Variants in PDCD6 observed in about 807,000 individuals in gnomAD.
PDCD6 encodes the protein programmed cell death 6, also known as programmed cell death protein 6.
In PDCD6, 12 loss-of-function variants were observed where a neutral mutation model predicts 28.3. The observed-to-expected ratio is 0.42, with a 90% CI of 0.27 to 0.69. The LOEUF is 0.69. Ranked by LOEUF, PDCD6 falls within the 30% of genes least tolerant of loss-of-function variation. The pLI is 0.22. For missense variants in PDCD6, 226 were observed against 269.9 expected (o/e 0.84, Z 1.14); for synonymous variants, 92 against 108.0 (o/e 0.85, Z 0.92).
intron 2 of PDCD6, among the ~76,000 whole-genome samples, chr5:299,538 C>A (rs531217007): frequency 1.4e-5 from 2 of 142,886 alleles, no homozygotes; most frequent in African/African-American, 5.9e-5. Context: ...ATAATTCTTA[C>A]GTTCTTTTGA....
At chr5:303,635 G>A (rs1054752593) in intron 2 of PDCD6, among the ~76,000 whole-genome samples, 10 of 151,766 alleles carry the variant, frequency 6.6e-5, no homozygotes, top group African/African-American at 1.7e-4. Flanking sequence ...TGTCTTCACC[G>A]TGCTTTAGGA....
At chr5:293,374 A>C (rs462733) in intron 2 of PDCD6, among the ~76,000 whole-genome samples, 18 of 62,580 alleles carry the variant, frequency 2.9e-4, no homozygotes, top group Middle Eastern at 6.6e-3. Context: ...GCCTGCGATA[A>C]TGTCAGAGAT....
At chr5:289,068 G>A in intron 2 of PDCD6, 2 of 1,293,342 alleles carry the variant, frequency 1.5e-6, no homozygotes, top group Non-Finnish European at 1.1e-6. Context: ...TTCCTCAAAA[G>A]TCTCTTCATT....
At chr5:292,023 G>A (rs1157351742) in intron 2 of PDCD6, among the ~76,000 whole-genome samples, 1 of 152,150 alleles carries the variant, frequency 6.6e-6, no homozygotes, top group Non-Finnish European at 1.5e-5. Context: ...TCTTAGCAGG[G>A]CGTGGTGTTC....
At chr5:290,106 A>C in intron 2 of PDCD6, 1 of 1,568,036 alleles carries the variant, frequency 6.4e-7, no homozygotes, top group African/African-American at 1.4e-5. Flanking sequence ...ATTCGACATT[A>C]GGGTTGGGAG....
chr5:306,835 G>C, intron 4 of PDCD6, 75 bp downstream of exon 4: 2 of 1,454,238 alleles, frequency 1.4e-6, no homozygotes, highest in Non-Finnish European at 1.9e-6. Flanking sequence ...TTTAAACCTT[G>C]TTGGACTTAA....
chr5:271,877 C>T (rs1320364110), intron 1 of PDCD6, 56 bp downstream of exon 1: 2 of 986,788 alleles, frequency 2.0e-6, no homozygotes, highest in South Asian at 4.1e-5. Context: ...GCCCCGACCC[C>T]TGTCCCGACT....
chr5:303,717 C>T (rs1740283004), intron 2 of PDCD6, among the ~76,000 whole-genome samples: 2 of 150,990 alleles, frequency 1.3e-5, no homozygotes, highest in African/African-American at 5.0e-5. Context: ...GTGAATGCCA[C>T]AGCGACCAAG....
At chr5:289,002 G>T in intron 2 of PDCD6, 1 of 1,244,532 alleles carries the variant, frequency 8.0e-7, no homozygotes, top group Non-Finnish European at 1.2e-6. Context: ...ATTACCTTCG[G>T]AATGTAGTAA....
In PDCD6 at chr5:314,448, C is replaced by G; in HGVS notation, c.509C>G (p.Thr170Arg). The stretch of plus-strand genomic sequence containing the variant: ...ACGGATATATTCAGACGTTACGACA[C>G]GGATCAGGACGGCTGGATTCAGGTG... ...RLTDIFRRYDTDQDGWIQVSY... is the reference protein window; with the variant it reads ...RLTDIFRRYDRDQDGWIQVSY... Residue 170 changes from threonine (T) to arginine (R), a missense_variant, in exon 6 of 6, where the codon ACG becomes AGG. Physicochemically the swap from Thr to Arg is moderately conservative, Grantham distance 71. This residue lies in a region of PDCD6 where 151 missense variants were observed against 177.2 expected (regional missense o/e 0.85). Coordinates refer to ENST00000264933, the MANE Select transcript of PDCD6 (RefSeq NM_013232.4). 6.2e-7 allele frequency: 1 copy of G among 1,613,704 alleles called. No homozygotes were observed. Among genetic ancestry groups the G allele is most frequent in the Admixed American group, 1.7e-5 (1 of 60,024 alleles).
intron 2 of PDCD6, among the ~76,000 whole-genome samples, chr5:274,977 A>G (rs1738095392): frequency 6.6e-6 from 1 of 152,176 alleles, no homozygotes; most frequent in Non-Finnish European, 1.5e-5. Context: ...GGCTTAACCC[A>G]AGCTGTGTAT....
intron 2 of PDCD6, among the ~76,000 whole-genome samples, chr5:299,572 C>CA: frequency 6.7e-6 from 1 of 149,518 alleles, no homozygotes; most frequent in South Asian, 2.1e-4. Context: ...TTCTTTAAGA[C>CA]AGAGTCTCAC....
intron 2 of PDCD6, chr5:276,788 G>C (rs1301633839): frequency 1.0e-6 from 1 of 985,230 alleles, no homozygotes; most frequent in East Asian, 1.1e-4. Flanking sequence ...ACACTGAGAA[G>C]GTATTTGTGG....
At chr5:271,892 C>G in intron 1 of PDCD6, 71 bp downstream of exon 1, 1 of 795,938 alleles carries the variant, frequency 1.3e-6, no homozygotes. Flanking sequence ...CCGACTCCCC[C>G]GACCAACCCC....
chr5:301,957 G>A (rs1394083978), intron 2 of PDCD6, among the ~76,000 whole-genome samples: 7 of 147,364 alleles, frequency 4.8e-5, no homozygotes, highest in African/African-American at 1.3e-4. Flanking sequence ...GCTGGAGGGC[G>A]GGTCATCGAG....
chr5:302,990 G>T (rs1264998111), intron 2 of PDCD6, among the ~76,000 whole-genome samples: 1 of 152,244 alleles, frequency 6.6e-6, no homozygotes, highest in African/African-American at 2.4e-5. Flanking sequence ...GTTGGGAGGT[G>T]CTCAGGCGGA....
chr5:278,418 A>G (rs1484721042), intron 2 of PDCD6, among the ~76,000 whole-genome samples: 1 of 151,938 alleles, frequency 6.6e-6, no homozygotes, highest in Non-Finnish European at 1.5e-5. Flanking sequence ...CTGTAGAGAA[A>G]AATAAAGCAG....
At chr5:279,005 T>G (rs1738394046) in intron 2 of PDCD6, among the ~76,000 whole-genome samples, 1 of 152,126 alleles carries the variant, frequency 6.6e-6, no homozygotes. Context: ...TAATATCTTG[T>G]TCTTCCCAAC....
At chr5:282,717 C>T (rs1488532450) in intron 2 of PDCD6, among the ~76,000 whole-genome samples, 1 of 151,704 alleles carries the variant, frequency 6.6e-6, no homozygotes, top group African/African-American at 2.4e-5. Flanking sequence ...AGCTGATGTT[C>T]TAGATTTAGG....
Sources: gnomAD v4.1 joint callset for allele counts (sites outside exome capture counted in the v4.1 genomes callset) on GRCh38, gnomAD v4.1.1 for gene constraint, gnomAD v4.1.1 regional missense constraint, MANE v1.5 for transcripts, NCBI Gene and HGNC (gene_info 2026-07-23, HGNC 2026-07-21) for gene names.